Variants in UBE2E1 observed in about 807,000 individuals in gnomAD.
The protein encoded by UBE2E1 is ubiquitin-conjugating enzyme E2 E1.
Under a neutral mutation model 21.4 loss-of-function variants are expected in UBE2E1, and 6 were observed. The observed-to-expected ratio is 0.28, with a 90% CI of 0.15 to 0.55. The LOEUF (loss-of-function observed/expected upper bound fraction) is 0.55, where lower values mean the gene tolerates loss of function less well. Ranked by LOEUF, UBE2E1 falls within the 20% of genes least tolerant of loss-of-function variation. The pLI is 0.93. For missense variants in UBE2E1, 142 were observed against 236.5 expected, an observed-to-expected ratio of 0.60 and a Z score of 2.62; for synonymous variants, 87 against 82.7, an observed-to-expected ratio of 1.05 and a Z score of -0.28.
chr3:23,809,983 G>A (rs1403470678), intron 2 of UBE2E1, among the ~76,000 whole-genome samples: 2 of 152,186 alleles, frequency 1.3e-5, no homozygotes, highest in Non-Finnish European at 2.9e-5. Context: ...CAGATACGTA[G>A]GGACAGGAAA....
chr3:23,835,270 G>A (rs909683031), intron 3 of UBE2E1, among the ~76,000 whole-genome samples: 1 of 152,150 alleles, frequency 6.6e-6, no homozygotes, highest in African/African-American at 2.4e-5. Flanking sequence ...AGGAGTTTAA[G>A]AGCAGCCTGG....
chr3:23,861,152 G>A (rs1700546246), intron 3 of UBE2E1, among the ~76,000 whole-genome samples: 1 of 152,156 alleles, frequency 6.6e-6, no homozygotes, highest in African/African-American at 2.4e-5. Flanking sequence ...GCCTTCGGAG[G>A]ATCTGTGGTT....
rs1255688464 is a variant in UBE2E1 at position 23,836,496 on chromosome 3, T to C, written c.203+24986T>C. Among the ~76,000 whole-genome samples the C allele has an allele frequency of 2.0e-5, 3 of 152,184 alleles. No homozygotes were observed. The highest frequency in any genetic ancestry group is 4.4e-5 in the Non-Finnish European group (3 of 68,024). On this transcript the variant is annotated intron_variant, in intron 3 of 5. Coordinates refer to ENST00000306627, the MANE Select transcript of UBE2E1 (RefSeq NM_003341.5). The surrounding 1 kb of genome is among the most constrained non-coding windows in gnomAD (Gnocchi z 4.1). The stretch of plus-strand genomic sequence containing the variant: ...GATTTTAAGTAAGCAATAGAAGAGA[T>C]GTGTGTGTTCCTCTGAAAACTGCAA...
intron 3 of UBE2E1, among the ~76,000 whole-genome samples, chr3:23,883,620 A>G (rs1701104606): frequency 6.6e-6 from 1 of 152,208 alleles, no homozygotes; most frequent in South Asian, 2.1e-4. Context: ...GTGACTATCT[A>G]AAACTTGATA....
chr3:23,820,045 G>T (rs942654886), intron 3 of UBE2E1, among the ~76,000 whole-genome samples: 19 of 152,206 alleles, frequency 1.2e-4, no homozygotes, highest in African/African-American at 2.7e-4. Context: ...GCTAAATACA[G>T]TGGGTTCCTA....
intron 3 of UBE2E1, among the ~76,000 whole-genome samples, chr3:23,881,029 A>C (rs1036730413): frequency 1.3e-5 from 2 of 152,220 alleles, no homozygotes; most frequent in African/African-American, 4.8e-5. Flanking sequence ...TCCAGTGGTC[A>C]TTAGGGGGAA....
At position 23,891,500 on chromosome 3, in the gene UBE2E1, A is replaced by G. The variant is rs546107419; in HGVS notation, c.*894A>G. ...GATGAGGTATCCTAGAAAAGGTTAA[A>G]TAATCTACCCCATTTAGGCTTCAAA... On this transcript the variant is annotated 3_prime_UTR_variant, in exon 6 of 6. Coordinates refer to ENST00000306627, the MANE Select transcript of UBE2E1 (RefSeq NM_003341.5). 1.2e-4 allele frequency among the ~76,000 whole-genome samples: 19 copies of G among 152,354 alleles called. 1 individual carries two copies. The South Asian group carries it at 3.9e-3, about 32-fold the overall frequency.
At position 23,816,060 on chromosome 3, in the gene UBE2E1, G is replaced by C. The variant is rs1699509865; in HGVS notation, c.203+4550G>C. 6.6e-6 allele frequency among the ~76,000 whole-genome samples: 1 copy of C among 152,164 alleles called. No homozygotes were observed. The highest frequency in any genetic ancestry group is 2.1e-4 in the South Asian group (1 of 4,828). On this transcript the variant is annotated intron_variant, in intron 3 of 5. Coordinates refer to ENST00000306627, the MANE Select transcript of UBE2E1 (RefSeq NM_003341.5). The surrounding 1 kb of genome is among the most constrained non-coding windows in gnomAD (Gnocchi z 4.8). ...AAGAAACCCTATCTGGAGATGAATTGCCTTTCAAATGAGCAGGAAGTCTTG... is the reference window on the plus strand; with the variant it reads ...AAGAAACCCTATCTGGAGATGAATTCCCTTTCAAATGAGCAGGAAGTCTTG...
At position 23,834,520 on chromosome 3, in the gene UBE2E1, C is replaced by A. The variant is rs1699937602; in HGVS notation, c.203+23010C>A. On this transcript the variant is annotated intron_variant, in intron 3 of 5. Transcript: ENST00000306627. ...CTTCCTCCTGTGCTTTTTCCAAGTT[C>A]TTTTCCCTGAACAGCACTGCTAGCT... Among the ~76,000 whole-genome samples the A allele has an allele frequency of 2.0e-5, 3 of 152,114 alleles. 1 individual carries two copies. In the South Asian group the frequency reaches 6.2e-4, roughly 31 times the overall value.
intron 3 of UBE2E1, among the ~76,000 whole-genome samples, chr3:23,830,086 A>G (rs1372697958): frequency 6.6e-6 from 1 of 152,058 alleles, no homozygotes; most frequent in Non-Finnish European, 1.5e-5. Flanking sequence ...AATCATGCAT[A>G]TATTATTTTT....
chr3:23,812,631 A>C (rs1699424632), intron 3 of UBE2E1, among the ~76,000 whole-genome samples: 2 of 152,232 alleles, frequency 1.3e-5, no homozygotes, highest in Admixed American at 6.5e-5. Context: ...TGAGTTTGAA[A>C]TGCTCTTAAA....
intron 3 of UBE2E1, among the ~76,000 whole-genome samples, chr3:23,856,727 G>A (rs1022261541): frequency 4.6e-4 from 70 of 152,128 alleles, no homozygotes; most frequent in African/African-American, 1.7e-3. Flanking sequence ...AAAAGAAAGC[G>A]CTTTAGAAAA....
At position 23,863,359 on chromosome 3, in the gene UBE2E1, C is replaced by T. The variant is rs555784325; in HGVS notation, c.204-24208C>T. On this transcript the variant is annotated intron_variant, in intron 3 of 5. Coordinates refer to ENST00000306627, the MANE Select transcript of UBE2E1 (RefSeq NM_003341.5). The surrounding 1 kb of genome is among the most constrained non-coding windows in gnomAD (Gnocchi z 4.3). Reference sequence around the variant, plus strand: ...TTACTTTTCCTTCCTTGCTTGACTACCTCCCTCCCCAAGTTATTCTCTCAC... The same window carrying T: ...TTACTTTTCCTTCCTTGCTTGACTATCTCCCTCCCCAAGTTATTCTCTCAC... Among the ~76,000 whole-genome samples, 19 of 151,948 alleles carry T rather than the reference C, an allele frequency of 1.3e-4. No individual in the cohort carries two copies. The South Asian group carries it at 3.7e-3, about 30-fold the overall frequency.
At chr3:23,878,070 A>T (rs1452790552) in intron 3 of UBE2E1, among the ~76,000 whole-genome samples, 1 of 152,054 alleles carries the variant, frequency 6.6e-6, no homozygotes, top group Non-Finnish European at 1.5e-5. Context: ...CACTAACTTG[A>T]GGTCAAATGT....
chr3:23,889,343 A>G (rs1377433050), intron 5 of UBE2E1, 84 bp downstream of exon 5: 2 of 1,593,552 alleles, frequency 1.3e-6, no homozygotes, highest in African/African-American at 1.3e-5. Flanking sequence ...GGACAAAACT[A>G]ATTTTTCTGC....
At chr3:23,807,203 T>G in intron 1 of UBE2E1, 34 bp from the exon 2 acceptor site, 1 of 1,528,770 alleles carries the variant, frequency 6.5e-7, no homozygotes, top group Non-Finnish European at 8.8e-7. Context: ...CTGCATGGTT[T>G]GTGTGTTTCT....
At position 23,890,720 on chromosome 3, in the gene UBE2E1, G is replaced by C; in HGVS notation, c.*114G>C. 1.1e-6 allele frequency: 1 copy of C among 879,140 alleles called. No individual in the cohort carries two copies. The highest frequency in any genetic ancestry group is 3.0e-5 in the East Asian group (1 of 33,420). The allele number at this position is 879,140 out of a possible 1,614,324, so 54.5% of individuals were successfully genotyped here. ...TAAAGAGTAGGGTATTTCTATAACA[G>C]ATATTATTCAGTCTTATTTCCTAAG... On this transcript the variant is annotated 3_prime_UTR_variant, in exon 6 of 6. Transcript: ENST00000306627.
rs56090865 is a variant in UBE2E1 at position 23,887,553 on chromosome 3, C to T, written c.204-14C>T. The stretch of plus-strand genomic sequence containing the variant: ...GTGCCACCATCTGCTTATTTGTTGA[C>T]GTATTATTCACAGTGCTGGTCCCAA... On this transcript the variant is annotated splice_polypyrimidine_tract_variant and intron_variant, in intron 3 of 5. Coordinates refer to ENST00000306627, the MANE Select transcript of UBE2E1 (RefSeq NM_003341.5). The surrounding 1 kb of genome is among the most constrained non-coding windows in gnomAD (Gnocchi z 4.4). 8.3e-4 allele frequency: 1,330 copies of T among 1,595,950 alleles called. 1 individual carries two copies. The highest frequency in any genetic ancestry group is 1.5e-3 in the Middle Eastern group (9 of 5,956).
chr3:23,830,393 T>C (rs953484354), intron 3 of UBE2E1, among the ~76,000 whole-genome samples: 18 of 151,746 alleles, frequency 1.2e-4, no homozygotes, highest in African/African-American at 4.4e-4. Flanking sequence ...TTTTAAGAGT[T>C]ATACCAGTCG....
Sources: allele counts gnomAD v4.1 joint callset (sites outside exome capture counted in the v4.1 genomes callset), GRCh38; gene constraint gnomAD v4.1.1; non-coding constraint Gnocchi (gnomAD v3.1); transcripts MANE v1.5; gene names NCBI Gene and HGNC (gene_info 2026-07-23, HGNC 2026-07-21).